The following TASP1 variants were observed in gnomAD, a reference collection of about 807,000 sequenced individuals.
The protein encoded by TASP1 is threonine aspartase 1.
A neutral mutation model predicts 56.6 loss-of-function variants in TASP1; 16 were observed. That is an observed-to-expected ratio of 0.28 (90% CI 0.19 to 0.43). The LOEUF (loss-of-function observed/expected upper bound fraction) is 0.43, where lower values mean the gene tolerates loss of function less well. Among genes scored for constraint, TASP1 ranks in the 20% least tolerant of loss-of-function variants. The pLI, the probability that TASP1 is intolerant of heterozygous loss-of-function variation, is 1.00. For synonymous variants in TASP1, 179 were observed against 184.2 expected (o/e 0.97, Z 0.23); for missense variants, 393 against 511.6 (o/e 0.77, Z 2.24).
chr20:13,502,343 C>G (rs2043976723), intron 10 of TASP1, among the ~76,000 whole-genome samples: 1 of 152,042 alleles, frequency 6.6e-6, no homozygotes, highest in African/African-American at 2.4e-5. Flanking sequence ...GTATAAAACT[C>G]TGGCCTATAG....
chr20:13,491,336 A>G (rs2043517784), intron 10 of TASP1, among the ~76,000 whole-genome samples: 1 of 152,156 alleles, frequency 6.6e-6, no homozygotes, highest in East Asian at 1.9e-4. Context: ...ATTCTCCAAC[A>G]GGTTTATTGC....
At chr20:13,389,011 T>C (rs1489774310), downstream of TASP1, among the ~76,000 whole-genome samples, 1 of 152,190 alleles carries the variant, frequency 6.6e-6, no homozygotes, top group Non-Finnish European at 1.5e-5. Context: ...TAGTATCTTC[T>C]TGATAACCAC....
the TASP1 span, among the ~76,000 whole-genome samples, chr20:13,125,467 G>A: frequency 3.3e-5 from 5 of 152,062 alleles, no homozygotes; most frequent in Admixed American, 6.6e-5. Flanking sequence ...GCCTCCATTC[G>A]TTTTTGCTGT....
chr20:13,203,185 A>C, the TASP1 span, among the ~76,000 whole-genome samples: 2 of 152,218 alleles, frequency 1.3e-5, no homozygotes, highest in Non-Finnish European at 2.9e-5. Flanking sequence ...ATTAAATGTT[A>C]CTGTGTGCCA....
the TASP1 span, chr20:13,299,596 C>T: frequency 7.0e-6 from 6 of 860,068 alleles, no homozygotes; most frequent in Non-Finnish European, 1.1e-5. This position sits in a 1 kb window ranked among gnomAD's most constrained non-coding sequence, Gnocchi z 5.8. Flanking sequence ...ATTTCTCATA[C>T]ATTACGCTAG....
At chr20:13,501,397 T>C (rs956582779) in intron 10 of TASP1, among the ~76,000 whole-genome samples, 1 of 151,982 alleles carries the variant, frequency 6.6e-6, no homozygotes, top group African/African-American at 2.4e-5. Context: ...CAATAATATA[T>C]TTTAGAATTT....
chr20:13,534,992 G>A (rs1190247287), intron 8 of TASP1, among the ~76,000 whole-genome samples: 1 of 152,116 alleles, frequency 6.6e-6, no homozygotes, highest in Non-Finnish European at 1.5e-5. Flanking sequence ...GTTAATAGTA[G>A]TCATGGTGGT....
intron 11 of TASP1, among the ~76,000 whole-genome samples, chr20:13,474,433 G>A (rs2044642873): frequency 6.6e-6 from 1 of 152,118 alleles, no homozygotes; most frequent in African/African-American, 2.4e-5. Context: ...ATGGCCTCCA[G>A]CCCCATCCAA....
the TASP1 span, among the ~76,000 whole-genome samples, chr20:13,312,231 T>A: frequency 6.6e-6 from 1 of 152,294 alleles, no homozygotes; most frequent in South Asian, 2.1e-4. Context: ...AATTATGCTG[T>A]GAGTTTAGAT....
chr20:13,378,865 A>T, the TASP1 span, among the ~76,000 whole-genome samples: 3 of 152,110 alleles, frequency 2.0e-5, no homozygotes, highest in Non-Finnish European at 2.9e-5. Context: ...GTTGGTTTAA[A>T]GTCTATTTTA....
chr20:13,190,070 C>G, the TASP1 span, among the ~76,000 whole-genome samples: 1 of 152,118 alleles, frequency 6.6e-6, no homozygotes, highest in Admixed American at 6.6e-5. Context: ...AAATACTGCA[C>G]ATTCTCACTT....
intron 1 of TASP1, among the ~76,000 whole-genome samples, chr20:13,638,620 C>G (rs2049399968): frequency 6.6e-6 from 1 of 152,208 alleles, no homozygotes; most frequent in Admixed American, 6.5e-5. Flanking sequence ...GAACTCCCCA[C>G]ATACAGACAG....
the TASP1 span, among the ~76,000 whole-genome samples, chr20:13,112,817 T>C: frequency 3.3e-5 from 5 of 152,144 alleles, no homozygotes; most frequent in Admixed American, 1.3e-4. Flanking sequence ...TAGCCTAGAG[T>C]TGAGTTCTAC....
At chr20:13,427,220 T>A (rs2042646876) in intron 12 of TASP1, among the ~76,000 whole-genome samples, 1 of 152,220 alleles carries the variant, frequency 6.6e-6, no homozygotes, top group African/African-American at 2.4e-5. Context: ...GAATTTTAAC[T>A]TACAGTAAAA....
chr20:13,475,384 T>A (rs567667817), intron 11 of TASP1, among the ~76,000 whole-genome samples: 12 of 152,304 alleles, frequency 7.9e-5, no homozygotes, highest in Admixed American at 7.8e-4. Flanking sequence ...GTTCTTTCCA[T>A]CATTTAAAAT....
chr20:13,496,064 T>TC (rs1396735946), intron 10 of TASP1, among the ~76,000 whole-genome samples: 1 of 152,110 alleles, frequency 6.6e-6, no homozygotes, highest in Non-Finnish European at 1.5e-5. Flanking sequence ...ATTTTTTTTT[T>TC]CTTCCTTGAA....
the TASP1 span, among the ~76,000 whole-genome samples, chr20:13,245,778 A>G: frequency 0.036 from 5,517 of 152,208 alleles, 171 homozygotes; most frequent in African/African-American, 0.077. Flanking sequence ...CTGCTCACAA[A>G]CTTCCAATCA....
the TASP1 span, among the ~76,000 whole-genome samples, chr20:13,124,945 C>T: frequency 3.3e-5 from 5 of 152,278 alleles, no homozygotes; most frequent in South Asian, 1.0e-3. Flanking sequence ...GAAGACATAG[C>T]GAAGACACCT....
rs2042219911 is a variant in TASP1, at chr20:13,415,362, A to G, written c.1170+2086T>C. Among the ~76,000 whole-genome samples the G allele has an allele frequency of 2.6e-5, 4 of 151,880 alleles. No individual in the cohort carries two copies. In the South Asian group the frequency reaches 8.3e-4, roughly 31 times the overall value. On this transcript the variant is annotated intron_variant, in intron 13 of 13. Coordinates refer to ENST00000337743, the MANE Select transcript of TASP1 (RefSeq NM_017714.3). The stretch of plus-strand genomic sequence containing the variant: ...ACTTGCAATACAAAAAAATTCTAGC[A>G]TTTATAACAAAAGAGATAATTTTTC...
Sources: gnomAD v4.1 joint callset for allele counts (sites outside exome capture counted in the v4.1 genomes callset) on GRCh38, gnomAD v4.1.1 for gene constraint, Gnocchi (gnomAD v3.1) non-coding constraint, MANE v1.5 for transcripts, NCBI Gene and HGNC (gene_info 2026-07-23, HGNC 2026-07-21) for gene names.